The following MED14 variants were observed in gnomAD, a reference collection of about 807,000 sequenced individuals.
MED14 encodes the protein mediator complex subunit 14, also known as mediator of RNA polymerase II transcription subunit 14.
A neutral mutation model predicts 109.0 loss-of-function variants in MED14; 8 were observed. The observed-to-expected ratio is 0.07, with a 90% CI of 0.04 to 0.13. The LOEUF is 0.13. MED14 is among the 10% of genes least tolerant of loss of function. MED14 has a pLI of 1.00. For synonymous variants in MED14, 399 were observed against 408.7 expected, an observed-to-expected ratio of 0.98 and a Z score of 0.29; for missense variants, 711 against 1,142.4, an observed-to-expected ratio of 0.62 and a Z score of 5.44.
intron 3 of MED14, among the ~76,000 whole-genome samples, chrX:40,724,742 A>T (rs1569298765): frequency 8.9e-6 from 1 of 111,925 alleles, no homozygotes; most frequent in Non-Finnish European, 1.9e-5. Context: ...TAAATAACCT[A>T]ATGATGCATC....
At chrX:40,681,341 T>G (rs1349195261) in intron 19 of MED14, among the ~76,000 whole-genome samples, 1 of 111,505 alleles carries the variant, frequency 9.0e-6, no homozygotes, top group Non-Finnish European at 1.9e-5. Context: ...TTACTTGACG[T>G]AGAAGTCTAG....
At chrX:40,671,106 C>T (rs1929713999) in intron 23 of MED14, among the ~76,000 whole-genome samples, 1 of 111,825 alleles carries the variant, frequency 8.9e-6, no homozygotes, top group South Asian at 3.7e-4. Flanking sequence ...TCATTATGCT[C>T]TGGAAATATT....
chrX:40,713,727 G>A, intron 5 of MED14, 51 bp downstream of exon 5: 1 of 1,187,985 alleles, frequency 8.4e-7, no homozygotes, highest in Non-Finnish European at 1.1e-6. Flanking sequence ...ACAGGCATGA[G>A]CCACCGCACC....
intron 23 of MED14, among the ~76,000 whole-genome samples, chrX:40,668,690 C>T (rs756402234): frequency 5.4e-4 from 61 of 111,940 alleles, no homozygotes; most frequent in Non-Finnish European, 9.4e-4. Context: ...ATGCCTGAAA[C>T]CTCAGATAGT....
intron 10 of MED14, among the ~76,000 whole-genome samples, chrX:40,706,167 T>C (rs1931131848): frequency 9.0e-6 from 1 of 111,355 alleles, no homozygotes. Context: ...TAGTCCCTCA[T>C]CCCAGTAAGG....
At chrX:40,680,446 C>T (rs1163793187) in intron 20 of MED14, among the ~76,000 whole-genome samples, 2 of 111,942 alleles carry the variant, frequency 1.8e-5, no homozygotes, top group Non-Finnish European at 3.8e-5. Flanking sequence ...GAGACAGGGT[C>T]TCATTCCGAC....
In MED14 at chrX:40,703,576, A is replaced by C. The variant is rs1403435021; in HGVS notation, c.1286-7T>G. Reference sequence around the variant, plus strand: ...AGTGCAGTCTCTATGGAAGCTGAACAATCAAGAATTAAAAATTATTTTTCT... The same window carrying C: ...AGTGCAGTCTCTATGGAAGCTGAACCATCAAGAATTAAAAATTATTTTTCT... On this transcript the variant is annotated splice_polypyrimidine_tract_variant and splice_region_variant and intron_variant, in intron 10 of 30. Transcript: ENST00000324817. The C allele has an allele frequency of 6.1e-6, 7 of 1,141,823 alleles. No homozygotes were observed. The highest frequency in any genetic ancestry group is 7.0e-6 in the Non-Finnish European group (6 of 854,995). The allele number at this position is 1,141,823 out of a possible 1,213,427, so 94.1% of individuals were successfully genotyped here.
chrX:40,666,699 G>A (rs375046000), intron 24 of MED14, 21 bp downstream of exon 24: 153 of 1,203,001 alleles, frequency 1.3e-4, no homozygotes, highest in Non-Finnish European at 1.6e-4. Context: ...ATGCTATATC[G>A]ATTTCCATGT....
chrX:40,670,268 A>T (rs1295075669), intron 23 of MED14, among the ~76,000 whole-genome samples: 1 of 111,754 alleles, frequency 8.9e-6, no homozygotes, highest in Non-Finnish European at 1.9e-5. Context: ...CAGGCTAAAC[A>T]CTTTATGTGA....
At chrX:40,715,814 G>GAAA (rs1931500403) in intron 3 of MED14, among the ~76,000 whole-genome samples, 1 of 36,399 alleles carries the variant, frequency 2.7e-5, no homozygotes, top group Admixed American at 2.8e-4. Context: ...AAAAAAAAAG[G>GAAA]ACAGACAACA....
At chrX:40,693,392 C>T (rs920346561) in intron 13 of MED14, among the ~76,000 whole-genome samples, 2 of 110,853 alleles carry the variant, frequency 1.8e-5, no homozygotes, top group African/African-American at 3.3e-5. Context: ...ATGGGTCTCA[C>T]GAAATCTGAT....
In MED14 at chrX:40,648,823, C is replaced by A. The variant is rs1469717892; in HGVS notation, c.*2983G>T. ...AGTTGTGCAGCACAGTGCTGGCTGG[C>A]CTCTGCTAACTTTGTCTTAATAACC... On this transcript the variant is annotated 3_prime_UTR_variant, in exon 31 of 31. Transcript: ENST00000324817. 1 of 111,973 alleles carries A rather than the reference C, an allele frequency of 8.9e-6. No homozygotes were observed. The highest frequency in any genetic ancestry group is 1.9e-5 in the Non-Finnish European group (1 of 53,155). 9.2% of individuals were successfully genotyped at this position (111,973 alleles called of 1,213,427 possible). A position where few individuals can be genotyped will look rare whatever the true frequency, so the allele number is the denominator to read the frequency against.
chrX:40,715,834 A>C (rs1931502443), intron 3 of MED14, among the ~76,000 whole-genome samples: 1 of 108,441 alleles, frequency 9.2e-6, no homozygotes, highest in African/African-American at 3.3e-5. Context: ...AAAAGCAAAA[A>C]TAAACAAAAG....
At chrX:40,675,595 A>C (rs776915881) in intron 21 of MED14, among the ~76,000 whole-genome samples, 1 of 111,851 alleles carries the variant, frequency 8.9e-6, no homozygotes, top group Non-Finnish European at 1.9e-5. Flanking sequence ...GTGAGCAAAA[A>C]GTTGAAGAAA....
rs184344090 is a variant in MED14, at chrX:40,704,433, C to T, written c.1286-864G>A. ...TGCAGGTGCTCGGAAGGAGAGGTAA[C>T]GTGGCAGGCGCAGAGGGGAGTGGCG... On this transcript the variant is annotated intron_variant, in intron 10 of 30. Coordinates refer to ENST00000324817, the MANE Select transcript of MED14 (RefSeq NM_004229.4). 3.3e-3 allele frequency among the ~76,000 whole-genome samples: 368 copies of T among 111,903 alleles called. 6 individuals carry two copies. Among genetic ancestry groups the T allele is most frequent in the African/African-American group, 0.011 (330 of 30,774 alleles).
rs978959322 is a variant in MED14, at chrX:40,735,499, C to A, written c.-87G>T. 8 of 884,300 alleles carry A rather than the reference C, an allele frequency of 9.0e-6. No individual in the cohort carries two copies. The highest frequency in any genetic ancestry group is 1.3e-5 in the Non-Finnish European group (8 of 627,895). The allele number at this position is 884,300 out of a possible 1,213,427, so 72.9% of individuals were successfully genotyped here. A position where few individuals can be genotyped will look rare whatever the true frequency, so the allele number is the denominator to read the frequency against. ...CTCGGTCACCGCGCCGAAACGGGAG[C>A]GGGCAGAGTCGCCACCGCCTACCGC... On this transcript the variant is annotated 5_prime_UTR_variant, in exon 1 of 31. Coordinates refer to ENST00000324817, the MANE Select transcript of MED14 (RefSeq NM_004229.4).
chrX:40,732,215 A>G (rs1472624735), intron 1 of MED14, among the ~76,000 whole-genome samples: 1 of 112,913 alleles, frequency 8.9e-6, no homozygotes, highest in African/African-American at 3.2e-5. Context: ...GGCACTAACA[A>G]GAAACATCAA....
chrX:40,650,869 A>G lies in MED14; in HGVS notation c.*937T>C. 6.6e-6 allele frequency: 5 copies of G among 752,824 alleles called. No homozygotes were observed. Among genetic ancestry groups the G allele is most frequent in the Non-Finnish European group, 7.8e-6 (5 of 637,796 alleles). The allele number at this position is 752,824 out of a possible 1,213,427, so 62.0% of individuals were successfully genotyped here. ...AACTTCATGCAGAGGTACAGCATTA[A>G]AGTTCTTTGTTTCCTAATTAATGTT... On this transcript the variant is annotated 3_prime_UTR_variant, in exon 31 of 31. Coordinates refer to ENST00000324817, the MANE Select transcript of MED14 (RefSeq NM_004229.4).
In MED14 at chrX:40,672,226, T is replaced by C. The variant is rs188570682; in HGVS notation, c.3022-254A>G. ...TTGCAATGCTTTCTATCCCTCAAGA[T>C]GTTTTTTGCTCATTTTCTATCTAGC... On this transcript the variant is annotated intron_variant, in intron 22 of 30. Coordinates refer to ENST00000324817, the MANE Select transcript of MED14 (RefSeq NM_004229.4). 5.5e-3 allele frequency among the ~76,000 whole-genome samples: 621 copies of C among 112,341 alleles called. 5 individuals are homozygous for C. The highest frequency in any genetic ancestry group is 0.018 in the African/African-American group (567 of 30,807).
Sources: gnomAD v4.1 joint callset for allele counts (sites outside exome capture counted in the v4.1 genomes callset) on GRCh38, gnomAD v4.1.1 for gene constraint, MANE v1.5 for transcripts, NCBI Gene and HGNC (gene_info 2026-07-23, HGNC 2026-07-21) for gene names.